GSDME: variants seen among roughly 807,000 people sequenced by gnomAD.
GSDME encodes gasdermin E, also known as gasdermin-E.
In GSDME, 44 loss-of-function variants were observed where a neutral mutation model predicts 47.5. The observed-to-expected ratio is 0.93, with a 90% CI of 0.73 to 1.19. The LOEUF (loss-of-function observed/expected upper bound fraction) is 1.19. Among genes scored for constraint, GSDME ranks in the 50% most tolerant of loss-of-function variants. The probability of loss-of-function intolerance (pLI) is 0.00; values close to 1 mark genes in which losing one functional copy is unlikely to be tolerated. For missense variants in GSDME, 663 were observed against 604.2 expected (o/e 1.10, Z -1.02); for synonymous variants, 258 against 252.8 (o/e 1.02, Z -0.20).
At chr7:24,734,090 C>G (rs923754759) in intron 3 of GSDME, among the ~76,000 whole-genome samples, 9 of 152,180 alleles carry the variant, frequency 5.9e-5, no homozygotes, top group Non-Finnish European at 1.3e-4. Flanking sequence ...TAGAGAGAGA[C>G]TCTGTTTTGG....
chr7:24,700,695 A>G (rs1242883144), intron 9 of GSDME, among the ~76,000 whole-genome samples: 1 of 152,214 alleles, frequency 6.6e-6, no homozygotes, highest in African/African-American at 2.4e-5. Context: ...ATGTAACCAC[A>G]GGCTTAACGT....
At chr7:24,767,801 T>C in the GSDME span, among the ~76,000 whole-genome samples, 1 of 152,248 alleles carries the variant, frequency 6.6e-6, no homozygotes, top group African/African-American at 2.4e-5. The surrounding 1 kb of genome is among the most constrained non-coding windows in gnomAD (Gnocchi z 5.3). Context: ...TCCCCTTTTA[T>C]ATCTTGTCTA....
chr7:24,747,875 C>T (rs1200685130), intron 2 of GSDME, among the ~76,000 whole-genome samples: 2 of 151,808 alleles, frequency 1.3e-5, no homozygotes, highest in East Asian at 3.9e-4. Flanking sequence ...GCCACGTTGC[C>T]CAGGCTAGCC....
intron 5 of GSDME, among the ~76,000 whole-genome samples, chr7:24,713,668 C>T (rs1451818262): frequency 2.6e-5 from 4 of 152,274 alleles, no homozygotes; most frequent in South Asian, 4.1e-4. Context: ...GCCCATAAGG[C>T]GTGACATGGT....
intron 2 of GSDME, among the ~76,000 whole-genome samples, chr7:24,746,146 A>G (rs1790660778): frequency 6.6e-6 from 1 of 152,218 alleles, no homozygotes; most frequent in Admixed American, 6.5e-5. Context: ...TCACCATTCA[A>G]TCACCTTTGA....
upstream of GSDME, chr7:24,757,548 C>T (rs983488931): frequency 1.3e-5 from 2 of 151,608 alleles, no homozygotes; most frequent in Admixed American, 6.6e-5. The surrounding 1 kb of genome is among the most constrained non-coding windows in gnomAD (Gnocchi z 5.9). Context: ...CGCCCCAGAG[C>T]CGCGGGACTG....
At position 24,725,404 on chromosome 7, in the gene GSDME, G is replaced by A. The variant is rs1789932030; in HGVS notation, c.405-6186C>T. On this transcript the variant is annotated intron_variant, in intron 3 of 9. Transcript: ENST00000645220. This position sits in a 1 kb window ranked among gnomAD's most constrained non-coding sequence, Gnocchi z 5.1. ...CAGAATTTTCAGGATGCTTTATAAGGGAGCCCTCAGCCAGGTGTAGGAGGA... is the reference window on the plus strand; with the variant it reads ...CAGAATTTTCAGGATGCTTTATAAGAGAGCCCTCAGCCAGGTGTAGGAGGA... Among the ~76,000 whole-genome samples the A allele has an allele frequency of 6.6e-6, 1 of 152,108 alleles. No individual in the cohort carries two copies. The highest frequency in any genetic ancestry group is 2.4e-5 in the African/African-American group (1 of 41,410).
chr7:24,747,044 G>C (rs763822868), intron 2 of GSDME, among the ~76,000 whole-genome samples: 1 of 152,200 alleles, frequency 6.6e-6, no homozygotes, highest in African/African-American at 2.4e-5. Flanking sequence ...TGCAGTGACC[G>C]CCACTGGCCT....
intron 8 of GSDME, chr7:24,704,082 G>T (rs1240677080): frequency 2.0e-5 from 3 of 152,214 alleles, no homozygotes; most frequent in African/African-American, 7.2e-5. Flanking sequence ...AGAAATGAAA[G>T]AACAGCATCT....
At chr7:24,764,139 C>T in the GSDME span, among the ~76,000 whole-genome samples, 19,800 of 152,112 alleles carry the variant, frequency 0.13, 1,394 homozygotes, top group Middle Eastern at 0.2. The surrounding 1 kb of genome is among the most constrained non-coding windows in gnomAD (Gnocchi z 4.4). Flanking sequence ...TGTGTACACA[C>T]TTGTTGTTTG....
In GSDME at chr7:24,745,135, G is replaced by A. The variant is rs772636928; in HGVS notation, c.212-381C>T. On this transcript the variant is annotated intron_variant, in intron 2 of 9. Transcript: ENST00000645220. This position sits in a 1 kb window ranked among gnomAD's most constrained non-coding sequence, Gnocchi z 4.4. Reference sequence around the variant, plus strand: ...ATACGTATAGAAAGGTGCACAGAAAGGACTAATGAATAAAGTTAGCGCCTG... The same window carrying A: ...ATACGTATAGAAAGGTGCACAGAAAAGACTAATGAATAAAGTTAGCGCCTG... Among the ~76,000 whole-genome samples the A allele has an allele frequency of 3.9e-5, 6 of 152,116 alleles. No individual in the cohort carries two copies. The highest frequency in any genetic ancestry group is 8.8e-5 in the Non-Finnish European group (6 of 68,026).
chr7:24,792,798 A>G, the GSDME span, among the ~76,000 whole-genome samples: 1 of 151,994 alleles, frequency 6.6e-6, no homozygotes, highest in African/African-American at 2.4e-5. Context: ...GGCTGGCTCA[A>G]GTTTTTCTTT....
chr7:24,763,099 G>A, the GSDME span, among the ~76,000 whole-genome samples: 10 of 152,256 alleles, frequency 6.6e-5, no homozygotes, highest in East Asian at 1.5e-3. This position sits in a 1 kb window ranked among gnomAD's most constrained non-coding sequence, Gnocchi z 4.3. Context: ...ACTGGAACAC[G>A]TTTCTGCTCA....
intron 3 of GSDME, among the ~76,000 whole-genome samples, chr7:24,727,922 C>T (rs1433821282): frequency 6.6e-6 from 1 of 152,230 alleles, no homozygotes; most frequent in Non-Finnish European, 1.5e-5. Context: ...GAACTGTCCC[C>T]AGCATCCTGT....
intron 2 of GSDME, among the ~76,000 whole-genome samples, chr7:24,748,169 T>TA (rs1491520142): frequency 4.8e-4 from 41 of 84,938 alleles, no homozygotes; most frequent in East Asian, 2.3e-3. Context: ...TATATATATA[T>TA]TTTTTTTTGA....
At chr7:24,792,802 T>C in the GSDME span, among the ~76,000 whole-genome samples, 1 of 152,124 alleles carries the variant, frequency 6.6e-6, no homozygotes, top group Admixed American at 6.5e-5. Context: ...GGCTCAAGTT[T>C]TTCTTTTTTC....
chr7:24,794,162 T>G, the GSDME span, among the ~76,000 whole-genome samples: 2 of 151,878 alleles, frequency 1.3e-5, no homozygotes, highest in African/African-American at 4.9e-5. Flanking sequence ...TCTCTTTGAC[T>G]TCCTTCTGTC....
At chr7:24,773,339 T>C in the GSDME span, among the ~76,000 whole-genome samples, 7 of 152,218 alleles carry the variant, frequency 4.6e-5, no homozygotes, top group Non-Finnish European at 7.3e-5. The surrounding 1 kb of genome is among the most constrained non-coding windows in gnomAD (Gnocchi z 5.4). Flanking sequence ...TTGAAACACA[T>C]TGAGAAACAT....
intron 2 of GSDME, among the ~76,000 whole-genome samples, chr7:24,748,164 A>ATTTTT (rs1238017137): frequency 5.6e-5 from 5 of 88,646 alleles, no homozygotes; most frequent in African/African-American, 1.5e-4. Context: ...ATATATATAT[A>ATTTTT]TATATTTTTT....
Sources: allele counts gnomAD v4.1 joint callset (sites outside exome capture counted in the v4.1 genomes callset), GRCh38; gene constraint gnomAD v4.1.1; non-coding constraint Gnocchi (gnomAD v3.1); transcripts MANE v1.5; gene names NCBI Gene and HGNC (gene_info 2026-07-23, HGNC 2026-07-21).